The following MGMT variants were observed in gnomAD, a reference collection of about 807,000 sequenced individuals.
MGMT encodes O-6-methylguanine-DNA methyltransferase, also known as methylated-DNA--protein-cysteine methyltransferase.
A neutral mutation model predicts 15.9 loss-of-function variants in MGMT; 14 were observed. That is an observed-to-expected ratio of 0.88 (90% CI 0.58 to 1.37). The LOEUF (loss-of-function observed/expected upper bound fraction) is 1.37, where lower values mean the gene tolerates loss of function less well. Among genes scored for constraint, MGMT ranks in the 40% most tolerant of loss-of-function variants. MGMT has a pLI of 0.00. For missense variants in MGMT, 282 were observed against 268.1 expected (o/e 1.05, Z -0.36); for synonymous variants, 130 against 118.2 (o/e 1.10, Z -0.65).
intron 2 of MGMT, among the ~76,000 whole-genome samples, chr10:129,675,584 A>AGC (rs1847776144): frequency 6.6e-6 from 1 of 151,758 alleles, no homozygotes; most frequent in African/African-American, 2.4e-5. Context: ...GAGTGGCGGG[A>AGC]ACAACGCTTC....
intron 2 of MGMT, among the ~76,000 whole-genome samples, chr10:129,691,490 G>A (rs897348394): frequency 1.3e-5 from 2 of 152,220 alleles, no homozygotes; most frequent in African/African-American, 2.4e-5. Flanking sequence ...GTGTTAGCTC[G>A]GATAACTGGG....
chr10:129,584,620 C>A (rs559061214), intron 2 of MGMT, among the ~76,000 whole-genome samples: 46 of 152,116 alleles, frequency 3.0e-4, no homozygotes, highest in African/African-American at 1.1e-3. Flanking sequence ...AAAAAGGGAC[C>A]CCAGACCTAC....
At chr10:129,606,309 C>T (rs555016714) in intron 2 of MGMT, among the ~76,000 whole-genome samples, 1 of 152,184 alleles carries the variant, frequency 6.6e-6, no homozygotes, top group Non-Finnish European at 1.5e-5. Context: ...ACTTAATGAC[C>T]TCAAAATTTG....
chr10:129,472,497 CTG>C (rs915551333), intron 1 of MGMT, among the ~76,000 whole-genome samples: 2 of 152,236 alleles, frequency 1.3e-5, no homozygotes, highest in East Asian at 3.9e-4. Context: ...CAATCCGAAT[CTG>C]TATTTTGCAG....
Position 129,770,198 on chromosome 10 carries a change from T to C in MGMT, c.*3201T>C, listed in dbSNP as rs1168244202. 6.6e-6 allele frequency among the ~76,000 whole-genome samples: 1 copy of C among 152,240 alleles called. No individual in the cohort carries two copies. Among genetic ancestry groups the C allele is most frequent in the Non-Finnish European group, 1.5e-5 (1 of 68,032 alleles). On this transcript the variant is annotated 3_prime_UTR_variant, in exon 5 of 5. Transcript: ENST00000651593. ...AGGTTTATACTGAAGCCATCAGTTT[T>C]GTTTCTTACATCGTTTGTAAACAGC...
At chr10:129,650,661 G>A (rs1564748419) in intron 2 of MGMT, among the ~76,000 whole-genome samples, 1 of 152,208 alleles carries the variant, frequency 6.6e-6, no homozygotes, top group Admixed American at 6.5e-5. Context: ...CGCCACCTCT[G>A]ACAGGGATCC....
At chr10:129,700,733 G>C (rs1589944903) in intron 2 of MGMT, 3 of 152,218 alleles carry the variant, frequency 2.0e-5, no homozygotes, top group Non-Finnish European at 2.9e-5. Context: ...AGAGCAGGTA[G>C]CATAGTTTAT....
At chr10:129,741,513 C>A (rs1053746808) in intron 3 of MGMT, among the ~76,000 whole-genome samples, 4 of 152,188 alleles carry the variant, frequency 2.6e-5, no homozygotes, top group African/African-American at 9.7e-5. Context: ...GAACCTGACC[C>A]ATGGTGGAGG....
chr10:129,516,039 G>A (rs935614410), intron 1 of MGMT, among the ~76,000 whole-genome samples: 5 of 152,226 alleles, frequency 3.3e-5, no homozygotes, highest in Admixed American at 6.5e-5. Flanking sequence ...TTGGGTGTGA[G>A]CAGCCTCACT....
chr10:129,485,428 C>T (rs1845398577), intron 1 of MGMT, among the ~76,000 whole-genome samples: 1 of 152,210 alleles, frequency 6.6e-6, no homozygotes, highest in Admixed American at 6.5e-5. Flanking sequence ...ACTTCCCTTT[C>T]CTTGGGGAGC....
At chr10:129,623,674 G>A (rs1298031443) in intron 2 of MGMT, among the ~76,000 whole-genome samples, 2 of 151,964 alleles carry the variant, frequency 1.3e-5, no homozygotes, top group Non-Finnish European at 2.9e-5. Flanking sequence ...GACTACATAC[G>A]TGCACCACCA....
At chr10:129,528,468 C>A (rs1334021725) in intron 1 of MGMT, among the ~76,000 whole-genome samples, 3 of 150,902 alleles carry the variant, frequency 2.0e-5, no homozygotes, top group African/African-American at 7.3e-5. Flanking sequence ...ACAGCAGTAG[C>A]ACGGAGGCTG....
chr10:129,501,677 A>G (rs1056660809), intron 1 of MGMT, among the ~76,000 whole-genome samples: 5 of 152,338 alleles, frequency 3.3e-5, no homozygotes, highest in African/African-American at 9.6e-5. Context: ...GCCGCAGGTG[A>G]TGATTTTAAT....
At chr10:129,577,581 G>C (rs56263599) in intron 2 of MGMT, among the ~76,000 whole-genome samples, 4,936 of 152,034 alleles carry the variant, frequency 0.032, 128 homozygotes, top group South Asian at 0.064. Context: ...ACCATAAAAA[G>C]CCTAGAAGAA....
chr10:129,469,873 A>ATTG (rs924638272), intron 1 of MGMT, among the ~76,000 whole-genome samples: 2 of 151,856 alleles, frequency 1.3e-5, no homozygotes, highest in Non-Finnish European at 1.5e-5. Context: ...TACCTGGCTA[A>ATTG]TTGTTGTTGT....
intron 2 of MGMT, among the ~76,000 whole-genome samples, chr10:129,639,173 C>A (rs900513022): frequency 3.3e-5 from 5 of 151,866 alleles, no homozygotes; most frequent in Admixed American, 3.3e-4. Flanking sequence ...TCTTAAAAAA[C>A]CATGAATTGT....
At chr10:129,744,862 A>G (rs907675924) in intron 3 of MGMT, among the ~76,000 whole-genome samples, 1 of 152,162 alleles carries the variant, frequency 6.6e-6, no homozygotes, top group Non-Finnish European at 1.5e-5. Flanking sequence ...GCTGCCCTTC[A>G]CTGTCTTCCA....
intron 3 of MGMT, among the ~76,000 whole-genome samples, chr10:129,718,323 T>C (rs774192628): frequency 3.9e-5 from 6 of 152,184 alleles, no homozygotes; most frequent in Admixed American, 1.3e-4. Context: ...GTCGGAGACC[T>C]GTGGAATCCA....
At chr10:129,682,201 G>T (rs1410851855) in intron 2 of MGMT, among the ~76,000 whole-genome samples, 1 of 152,124 alleles carries the variant, frequency 6.6e-6, no homozygotes, top group African/African-American at 2.4e-5. Context: ...AAGTGTCCAT[G>T]TCAACTTTAT....
Sources: gnomAD v4.1 joint callset for allele counts (sites outside exome capture counted in the v4.1 genomes callset) on GRCh38, gnomAD v4.1.1 for gene constraint, MANE v1.5 for transcripts, NCBI Gene and HGNC (gene_info 2026-07-23, HGNC 2026-07-21) for gene names.